COMMD10: variants seen among roughly 807,000 people sequenced by gnomAD.
COMMD10 encodes COMM domain containing 10.
Under a neutral mutation model 28.9 loss-of-function variants are expected in COMMD10, and 33 were observed. The observed-to-expected ratio is 1.14, with a 90% CI of 0.87 to 1.53. The LOEUF (loss-of-function observed/expected upper bound fraction) is 1.53. Among genes scored for constraint, COMMD10 ranks in the 40% most tolerant of loss-of-function variants. The pLI is 0.00. For missense variants in COMMD10, 310 were observed against 233.4 expected, an observed-to-expected ratio of 1.33 and a Z score of -2.14; for synonymous variants, 110 against 81.7, an observed-to-expected ratio of 1.35 and a Z score of -1.87.
intron 4 of COMMD10, among the ~76,000 whole-genome samples, chr5:116,111,885 T>C (rs1473993485): frequency 6.6e-6 from 1 of 152,232 alleles, no homozygotes; most frequent in Admixed American, 6.5e-5. Flanking sequence ...TCCCCTATTA[T>C]TGTTTTTCTG....
chr5:116,273,463 C>G (rs186704033), intron 5 of COMMD10, among the ~76,000 whole-genome samples: 1 of 151,862 alleles, frequency 6.6e-6, no homozygotes, highest in Admixed American at 6.6e-5. Flanking sequence ...TCCTATAAAA[C>G]AATTCTACAA....
At chr5:116,102,854 C>G (rs1750711057) in intron 4 of COMMD10, among the ~76,000 whole-genome samples, 1 of 151,996 alleles carries the variant, frequency 6.6e-6, no homozygotes, top group African/African-American at 2.4e-5. Flanking sequence ...GTGTGATTCC[C>G]CCACCCCTTA....
chr5:116,234,410 ATTAT>A (rs1749606584), intron 5 of COMMD10, among the ~76,000 whole-genome samples: 1 of 152,200 alleles, frequency 6.6e-6, no homozygotes, highest in African/African-American at 2.4e-5. Flanking sequence ...TTTTAGAATA[ATTAT>A]TAGCACAAGG....
At chr5:116,138,041 C>T (rs1239175469) in intron 5 of COMMD10, among the ~76,000 whole-genome samples, 1 of 151,858 alleles carries the variant, frequency 6.6e-6, no homozygotes, top group African/African-American at 2.4e-5. Flanking sequence ...TTTGAAATAA[C>T]ATTCAAAATA....
intron 5 of COMMD10, among the ~76,000 whole-genome samples, chr5:116,204,137 CAAAG>C (rs1313468146): frequency 2.6e-5 from 4 of 151,960 alleles, no homozygotes; most frequent in African/African-American, 4.8e-5. Context: ...TCAAAAGAGA[CAAAG>C]AAGGCCATTA....
At chr5:116,117,248 A>C (rs1334327015) in intron 4 of COMMD10, among the ~76,000 whole-genome samples, 1 of 152,088 alleles carries the variant, frequency 6.6e-6, no homozygotes, top group African/African-American at 2.4e-5. Context: ...TGTTCAAGTC[A>C]TTTTATGGAT....
At chr5:116,192,225 C>A (rs978952482) in intron 5 of COMMD10, among the ~76,000 whole-genome samples, 22 of 150,968 alleles carry the variant, frequency 1.5e-4, no homozygotes, top group African/African-American at 5.4e-4. Flanking sequence ...ACCAAAAAAC[C>A]AACTCTGGTA....
chr5:116,216,246 A>G (rs569961797), intron 5 of COMMD10, among the ~76,000 whole-genome samples: 1 of 152,324 alleles, frequency 6.6e-6, no homozygotes, highest in South Asian at 2.1e-4. Flanking sequence ...GACAGACGCA[A>G]ATTAATCAGA....
chr5:116,255,925 A>G (rs1465723281), intron 5 of COMMD10: 2 of 151,544 alleles, frequency 1.3e-5, no homozygotes, highest in Non-Finnish European at 2.9e-5. Flanking sequence ...TGGGAATTGA[A>G]TGTAGTGTTC....
intron 4 of COMMD10, among the ~76,000 whole-genome samples, chr5:116,094,574 A>G (rs376166777): frequency 6.6e-6 from 1 of 152,194 alleles, no homozygotes; most frequent in African/African-American, 2.4e-5. Flanking sequence ...TTTGGTGGCA[A>G]TGTATATTAG....
At chr5:116,128,572 T>C (rs1580470147) in intron 4 of COMMD10, among the ~76,000 whole-genome samples, 1 of 152,046 alleles carries the variant, frequency 6.6e-6, no homozygotes, top group East Asian at 1.9e-4. Context: ...ATTTCACATG[T>C]AACTAAAATA....
intron 4 of COMMD10, among the ~76,000 whole-genome samples, chr5:116,107,996 G>T (rs764401920): frequency 6.6e-6 from 1 of 152,220 alleles, no homozygotes; most frequent in African/African-American, 2.4e-5. Flanking sequence ...GGTATCACCA[G>T]TGCAGGCTGC....
intron 5 of COMMD10, among the ~76,000 whole-genome samples, chr5:116,186,333 T>C (rs1194275712): frequency 6.6e-6 from 1 of 152,158 alleles, no homozygotes; most frequent in Non-Finnish European, 1.5e-5. Flanking sequence ...GCTTTCCCAT[T>C]ACCTTCTGAT....
At chr5:116,243,955 C>A (rs1288522971) in intron 5 of COMMD10, among the ~76,000 whole-genome samples, 1 of 152,110 alleles carries the variant, frequency 6.6e-6, no homozygotes, top group Non-Finnish European at 1.5e-5. Context: ...TATCTGAAAT[C>A]ATTGAGTCAA....
At chr5:116,248,476 A>G (rs1750021002) in intron 5 of COMMD10, among the ~76,000 whole-genome samples, 1 of 152,042 alleles carries the variant, frequency 6.6e-6, no homozygotes, top group Non-Finnish European at 1.5e-5. Context: ...GGAGAGAGTA[A>G]AGCCCTTAGT....
At chr5:116,240,330 G>A (rs1749778937) in intron 5 of COMMD10, among the ~76,000 whole-genome samples, 1 of 152,028 alleles carries the variant, frequency 6.6e-6, no homozygotes, top group South Asian at 2.1e-4. Flanking sequence ...AAGAATGGAG[G>A]CAAAGGAAAG....
intron 5 of COMMD10, among the ~76,000 whole-genome samples, chr5:116,281,703 A>G (rs1751073040): frequency 1.3e-5 from 2 of 151,912 alleles, no homozygotes; most frequent in Admixed American, 6.6e-5. Context: ...ATTTAAAAAT[A>G]AGCCATCCAG....
rs752229569 is a variant in COMMD10, at chr5:116,291,520, C to T, written c.514C>T (p.Leu172=). The part of the protein sequence containing the change: ...LGVNNEDSKS[L]EKVLVEFSHK... Reference sequence around the variant, plus strand: ...TTGTTGTTTTTCTTCCTTACAGAGCCTGGAGAAAGTTCTTGTGGAATTCAG... The same window carrying T: ...TTGTTGTTTTTCTTCCTTACAGAGCTTGGAGAAAGTTCTTGTGGAATTCAG... Residue 172 remains leucine (L), a synonymous_variant, in exon 6 of 7, where the codon CTG becomes TTG. Coordinates refer to ENST00000274458, the MANE Select transcript of COMMD10 (RefSeq NM_016144.4). 1.3e-6 allele frequency: 2 copies of T among 1,599,058 alleles called. No individual in the cohort carries two copies. Among genetic ancestry groups the T allele is most frequent in the Non-Finnish European group, 1.7e-6 (2 of 1,170,726 alleles).
intron 4 of COMMD10, among the ~76,000 whole-genome samples, chr5:116,099,480 G>A (rs561781560): frequency 6.6e-5 from 10 of 152,194 alleles, no homozygotes; most frequent in Non-Finnish European, 1.2e-4. Flanking sequence ...TTGTTGGATT[G>A]TATGATAGTT....
Sources: gnomAD v4.1 joint callset for allele counts (sites outside exome capture counted in the v4.1 genomes callset) on GRCh38, gnomAD v4.1.1 for gene constraint, MANE v1.5 for transcripts, NCBI Gene and HGNC (gene_info 2026-07-23, HGNC 2026-07-21) for gene names.